The following PABIR3 variants were observed in gnomAD, a reference collection of about 807,000 sequenced individuals.
PABIR3 encodes the protein PABIR family member 1.
In PABIR3, 20 loss-of-function variants were observed where a neutral mutation model predicts 23.1. That is an observed-to-expected ratio of 0.86 (90% CI 0.61 to 1.26). The LOEUF is 1.26. PABIR3 is among the 50% of genes most tolerant of loss of function. The pLI, the probability that PABIR3 is intolerant of heterozygous loss-of-function variation, is 0.00. For synonymous variants in PABIR3, 69 were observed against 68.5 expected, an observed-to-expected ratio of 1.01 and a Z score of -0.04; for missense variants, 189 against 195.4, an observed-to-expected ratio of 0.97 and a Z score of 0.20.
At chrX:134,855,939 G>C, downstream of PABIR3, among the ~76,000 whole-genome samples, 1 of 111,497 alleles carries the variant, frequency 9.0e-6, no homozygotes, top group Non-Finnish European at 1.9e-5. Flanking sequence ...ATGAGGTGTG[G>C]TTGCAGTGAT....
intron 1 of PABIR3, among the ~76,000 whole-genome samples, chrX:134,800,869 A>G (rs2080049549): frequency 8.9e-6 from 1 of 112,587 alleles, no homozygotes; most frequent in Non-Finnish European, 1.9e-5. Flanking sequence ...ATGGCAAGCA[A>G]TTTATAAGAT....
At chrX:134,841,522 G>A (rs987181538) in intron 4 of PABIR3, among the ~76,000 whole-genome samples, 3 of 111,485 alleles carry the variant, frequency 2.7e-5, no homozygotes, top group Admixed American at 9.6e-5. Context: ...AGGATGAAAC[G>A]ATGTTTTTAG....
At chrX:134,824,915 G>T (rs2081440517) in intron 3 of PABIR3, among the ~76,000 whole-genome samples, 1 of 112,489 alleles carries the variant, frequency 8.9e-6, no homozygotes, top group South Asian at 3.6e-4. Context: ...ATGGATGCAT[G>T]TCATACAAAA....
chrX:134,830,718 A>G (rs2081744169), intron 4 of PABIR3, among the ~76,000 whole-genome samples: 1 of 111,164 alleles, frequency 9.0e-6, no homozygotes, highest in Non-Finnish European at 1.9e-5. Flanking sequence ...GGAATGAAAC[A>G]AGTTCAAAGG....
intron 4 of PABIR3, among the ~76,000 whole-genome samples, chrX:134,832,418 T>C (rs2081828607): frequency 1.2e-5 from 1 of 85,919 alleles, no homozygotes. Flanking sequence ...TTTTTTTTTT[T>C]TTTGAGACAG....
intron 3 of PABIR3, chrX:134,822,149 A>G: frequency 1.3e-6 from 1 of 754,218 alleles, no homozygotes; most frequent in Non-Finnish European, 1.6e-6. Flanking sequence ...GTTCCTTCCA[A>G]GGACTTTTCT....
At chrX:134,853,970 C>A in intron 10 of PABIR3, 121 bp from the exon 11 acceptor site, 1 of 743,141 alleles carries the variant, frequency 1.3e-6, no homozygotes, top group Non-Finnish European at 1.9e-6. Flanking sequence ...TCTTAAAAAA[C>A]TTTGCTTGTG....
chrX:134,848,078 CTT>C, intron 8 of PABIR3, 107 bp downstream of exon 8: 1 of 665,271 alleles, frequency 1.5e-6, no homozygotes, highest in Non-Finnish European at 2.2e-6. Context: ...GAAGTGACTT[CTT>C]TTTAGGGAAA....
intron 4 of PABIR3, among the ~76,000 whole-genome samples, chrX:134,837,056 A>G (rs2081996578): frequency 9.0e-6 from 1 of 110,508 alleles, no homozygotes; most frequent in Admixed American, 9.7e-5. Flanking sequence ...TTTTTTTTTT[A>G]ATTTGCTGGC....
At chrX:134,808,947 T>G (rs1220913214) in intron 2 of PABIR3, among the ~76,000 whole-genome samples, 1 of 111,563 alleles carries the variant, frequency 9.0e-6, no homozygotes, top group Admixed American at 9.5e-5. Flanking sequence ...TGTGAAAAAT[T>G]TTTACTCTTT....
chrX:134,810,041 T>C, intron 2 of PABIR3: 5 of 754,257 alleles, frequency 6.6e-6, no homozygotes, highest in Non-Finnish European at 7.8e-6. Flanking sequence ...AAAAAGGAAT[T>C]ATGGGACCCA....
At position 134,847,991 on chromosome X, in the gene PABIR3, A is replaced by G; in HGVS notation, c.527+20A>G. The stretch of plus-strand genomic sequence containing the variant: ...CATCATGTAAGTTTATGTTATATGA[A>G]AATACCAAATTGCTTATAAAATAAG... On this transcript the variant is annotated intron_variant, in intron 8 of 10. Coordinates refer to ENST00000645433, the MANE Select transcript of PABIR3 (RefSeq NM_001388447.1). 1 of 1,067,821 alleles carries G rather than the reference A, an allele frequency of 9.4e-7. No individual in the cohort carries two copies. Among genetic ancestry groups the G allele is most frequent in the Non-Finnish European group, 1.3e-6 (1 of 794,450 alleles). The allele number at this position is 1,067,821 out of a possible 1,213,427, so 88.0% of individuals were successfully genotyped here.
At chrX:134,807,920 A>C (rs899914696) in intron 2 of PABIR3, among the ~76,000 whole-genome samples, 42 of 111,059 alleles carry the variant, frequency 3.8e-4, no homozygotes, top group African/African-American at 1.1e-3. Flanking sequence ...GAGGTTGACA[A>C]ACATCTGAAT....
the PABIR3 span, among the ~76,000 whole-genome samples, chrX:134,860,227 A>C: frequency 9.0e-6 from 1 of 110,778 alleles, no homozygotes; most frequent in Non-Finnish European, 1.9e-5. Flanking sequence ...GAGTGGGACT[A>C]CAGACGCATG....
At chrX:134,800,347 C>T (rs1182393551) in intron 1 of PABIR3, among the ~76,000 whole-genome samples, 1 of 110,793 alleles carries the variant, frequency 9.0e-6, no homozygotes, top group Non-Finnish European at 1.9e-5. Context: ...CCTGTAAATC[C>T]CAGCTACTCT....
intron 4 of PABIR3, chrX:134,839,545 C>T (rs1340008120): frequency 8.5e-6 from 1 of 117,243 alleles, no homozygotes; most frequent in African/African-American, 3.3e-5. Context: ...CCGGCAGCCA[C>T]CCCGTCCGGG....
intron 1 of PABIR3, among the ~76,000 whole-genome samples, chrX:134,800,193 C>T (rs772218204): frequency 3.7e-5 from 4 of 107,601 alleles, no homozygotes; most frequent in African/African-American, 1.0e-4. Context: ...CCCAGCTACT[C>T]GGGGGGCTGA....
chrX:134,840,364 AAAC>A (rs2082186094), intron 4 of PABIR3, among the ~76,000 whole-genome samples: 1 of 111,435 alleles, frequency 9.0e-6, no homozygotes, highest in Non-Finnish European at 1.9e-5. Flanking sequence ...ATAAAAAAAA[AAAC>A]AAAAAACAAA....
chrX:134,824,765 C>A (rs2148225067), intron 3 of PABIR3, among the ~76,000 whole-genome samples: 1 of 111,635 alleles, frequency 9.0e-6, no homozygotes, highest in Admixed American at 9.6e-5. Flanking sequence ...GGGCCACTGG[C>A]CACTGCACTT....
Sources: gnomAD v4.1 joint callset for allele counts (sites outside exome capture counted in the v4.1 genomes callset) on GRCh38, gnomAD v4.1.1 for gene constraint, MANE v1.5 for transcripts, NCBI Gene and HGNC (gene_info 2026-07-23, HGNC 2026-07-21) for gene names.